The following TNFRSF10B variants were observed in gnomAD, a reference collection of about 807,000 sequenced individuals.
The protein encoded by TNFRSF10B is tumor necrosis factor receptor superfamily member 10B.
A neutral mutation model predicts 41.4 loss-of-function variants in TNFRSF10B; 35 were observed. The ratio of observed to expected loss-of-function variants is 0.85; its 90% CI spans 0.65 to 1.12. TNFRSF10B has a LOEUF of 1.12. TNFRSF10B is among the 50% of genes most tolerant of loss of function. TNFRSF10B has a pLI of 0.00. For missense variants in TNFRSF10B, 584 were observed against 552.7 expected (o/e 1.06, Z -0.57); for synonymous variants, 230 against 215.5 (o/e 1.07, Z -0.59).
At chr8:23,023,989 T>C (rs935410144) in intron 8 of TNFRSF10B, among the ~76,000 whole-genome samples, 199 bp downstream of exon 8, 3 of 151,824 alleles carry the variant, frequency 2.0e-5, no homozygotes, top group African/African-American at 7.3e-5. Flanking sequence ...GGGTCAATGA[T>C]AGGGTGCAGA....
At chr8:23,037,700 A>G (rs1812063981) in intron 2 of TNFRSF10B, among the ~76,000 whole-genome samples, 1 of 152,276 alleles carries the variant, frequency 6.6e-6, no homozygotes, top group Non-Finnish European at 1.5e-5. Flanking sequence ...AGATGGTGGG[A>G]TATGGCTTTT....
chr8:23,023,604 T>G (rs908082817), intron 8 of TNFRSF10B, among the ~76,000 whole-genome samples: 1 of 152,142 alleles, frequency 6.6e-6, no homozygotes, highest in Non-Finnish European at 1.5e-5. Context: ...TCCTCAGAGA[T>G]AGACAGGGTC....
chr8:23,038,649 T>A (rs1409424517), intron 2 of TNFRSF10B, among the ~76,000 whole-genome samples: 4 of 152,224 alleles, frequency 2.6e-5, no homozygotes, highest in Non-Finnish European at 5.9e-5. Context: ...CTCAAGAACT[T>A]TGCATCCTCT....
chr8:23,068,649 G>A (rs2128823511), intron 1 of TNFRSF10B, 102 bp downstream of exon 1: 1 of 1,480,066 alleles, frequency 6.8e-7, no homozygotes, highest in African/African-American at 1.4e-5. Context: ...CCCGGCCGCA[G>A]GCGACCCGGG....
chr8:23,041,753 G>A (rs1179082806), intron 2 of TNFRSF10B, among the ~76,000 whole-genome samples: 1 of 152,090 alleles, frequency 6.6e-6, no homozygotes, highest in Non-Finnish European at 1.5e-5. Flanking sequence ...CCACATCTCA[G>A]TCCTTGACAC....
intron 1 of TNFRSF10B, among the ~76,000 whole-genome samples, chr8:23,066,958 A>G (rs1261891189): frequency 6.6e-6 from 1 of 151,928 alleles, no homozygotes; most frequent in African/African-American, 2.4e-5. Flanking sequence ...AAGAAATTCA[A>G]CATAACTCTG....
chr8:23,066,757 C>T lies in TNFRSF10B; in HGVS notation c.144+1994G>A, dbSNP rs563632537. 4.6e-5 allele frequency among the ~76,000 whole-genome samples: 7 copies of T among 151,842 alleles called. No individual in the cohort carries two copies. The South Asian group carries it at 1.3e-3, about 27-fold the overall frequency. On this transcript the variant is annotated intron_variant, in intron 1 of 8. Transcript: ENST00000276431. ...CTAAAAATACAAAAAGTTCGCTGGGCGTGGTGGTGCATGCCTGTAGTCCCA... is the reference window on the plus strand; with the variant it reads ...CTAAAAATACAAAAAGTTCGCTGGGTGTGGTGGTGCATGCCTGTAGTCCCA...
chr8:23,067,135 C>T (rs1813010877), intron 1 of TNFRSF10B, among the ~76,000 whole-genome samples: 2 of 151,932 alleles, frequency 1.3e-5, no homozygotes, highest in South Asian at 4.2e-4. Context: ...CCCACCACCA[C>T]ACCCAGCTAA....
chr8:23,039,519 G>A (rs992788976), intron 2 of TNFRSF10B, among the ~76,000 whole-genome samples: 5 of 152,108 alleles, frequency 3.3e-5, no homozygotes, highest in African/African-American at 1.2e-4. Flanking sequence ...CCAACATTAA[G>A]GGGGTAATCT....
At position 23,029,620 on chromosome 8, in the gene TNFRSF10B, A is replaced by G. The variant is rs1811818925; in HGVS notation, c.466T>C (p.Cys156Arg). ...CGGCTCCTGTCTCACCCTGTGCGGC[A>G]CTTCCGGCACATCTCAGGAGAATCT... ...EEDSPEMCRK[C>R]RTGCPRGMVK... Residue 156 changes from cysteine (C) to arginine (R), a missense_variant, in exon 4 of 9, where the codon TGC becomes CGC. By Grantham distance (180) the Cys-to-Arg change is radical. Coordinates refer to ENST00000276431, the MANE Select transcript of TNFRSF10B (RefSeq NM_003842.5). 6.2e-7 allele frequency: 1 copy of G among 1,610,790 alleles called. No homozygotes were observed. Among genetic ancestry groups the G allele is most frequent in the African/African-American group, 1.3e-5 (1 of 74,794 alleles).
chr8:23,020,674 A>G lies in TNFRSF10B; in HGVS notation c.*1997T>C, dbSNP rs1308760581. On this transcript the variant is annotated 3_prime_UTR_variant, in exon 9 of 9. Transcript: ENST00000276431. ...ACCGTTGCACTCCAGCCTGGGCGAG[A>G]GAGTGAGATTCTGTCTCAAAAAAAT... 4.4e-6 allele frequency: 2 copies of G among 453,926 alleles called. No individual in the cohort carries two copies. The highest frequency in any genetic ancestry group is 8.8e-6 in the Non-Finnish European group (2 of 226,804). 28.1% of individuals were successfully genotyped at this position (453,926 alleles called of 1,614,324 possible). A position where few individuals can be genotyped will look rare whatever the true frequency, so the allele number is the denominator to read the frequency against.
At chr8:23,040,274 TATA>T (rs1812137395) in intron 2 of TNFRSF10B, among the ~76,000 whole-genome samples, 1 of 125,570 alleles carries the variant, frequency 8.0e-6, no homozygotes, top group East Asian at 2.4e-4. Context: ...TAAATATATA[TATA>T]ATATATATTT....
intron 2 of TNFRSF10B, among the ~76,000 whole-genome samples, chr8:23,035,143 A>ATT (rs767212383): frequency 7.0e-6 from 1 of 143,096 alleles, no homozygotes; most frequent in African/African-American, 2.7e-5. Context: ...GTTTGCAGGT[A>ATT]TTTTTTTTTT....
rs114316441 is a variant in TNFRSF10B at position 23,058,937 on chromosome 8, G to T, written c.144+9814C>A. Among the ~76,000 whole-genome samples, 633 of 152,180 alleles carry T rather than the reference G, an allele frequency of 4.2e-3. 5 individuals are homozygous for T. The highest frequency in any genetic ancestry group is 0.015 in the African/African-American group (612 of 41,504). ...AATCTTTTAAAATACATAGTTCAGTGACACTACATTTATTAATGTTGTTGT... is the reference window on the plus strand; with the variant it reads ...AATCTTTTAAAATACATAGTTCAGTTACACTACATTTATTAATGTTGTTGT... On this transcript the variant is annotated intron_variant, in intron 1 of 8. Coordinates refer to ENST00000276431, the MANE Select transcript of TNFRSF10B (RefSeq NM_003842.5).
intron 4 of TNFRSF10B, 64 bp from the exon 5 acceptor site, chr8:23,028,666 G>A (rs1439264448): frequency 6.3e-7 from 1 of 1,598,072 alleles, no homozygotes; most frequent in African/African-American, 1.3e-5. Context: ...TGGGATGAAA[G>A]AGGAGCCACC....
chr8:23,064,023 G>A (rs1366612972), intron 1 of TNFRSF10B, among the ~76,000 whole-genome samples: 1 of 152,232 alleles, frequency 6.6e-6, no homozygotes, highest in Non-Finnish European at 1.5e-5. Flanking sequence ...AGGCATGTAG[G>A]CGCCTGGCGA....
At chr8:23,062,298 G>A (rs1812854354) in intron 1 of TNFRSF10B, among the ~76,000 whole-genome samples, 1 of 152,080 alleles carries the variant, frequency 6.6e-6, no homozygotes, top group Non-Finnish European at 1.5e-5. Flanking sequence ...TTGGCTCACT[G>A]CAACCTACAT....
At chr8:23,050,871 C>T (rs1442632060) in intron 1 of TNFRSF10B, among the ~76,000 whole-genome samples, 1 of 152,040 alleles carries the variant, frequency 6.6e-6, no homozygotes, top group African/African-American at 2.4e-5. Flanking sequence ...GTCAGGAGTT[C>T]GAGACCAGCC....
intron 1 of TNFRSF10B, among the ~76,000 whole-genome samples, chr8:23,062,889 C>T (rs1291136628): frequency 6.6e-6 from 1 of 152,220 alleles, no homozygotes; most frequent in Non-Finnish European, 1.5e-5. Flanking sequence ...ATCTCCACTA[C>T]TCATTCTTTC....
Sources: allele counts gnomAD v4.1 joint callset (sites outside exome capture counted in the v4.1 genomes callset), GRCh38; gene constraint gnomAD v4.1.1; transcripts MANE v1.5; gene names NCBI Gene and HGNC (gene_info 2026-07-23, HGNC 2026-07-21).